Variants in USP15 observed in about 807,000 individuals in gnomAD.
USP15 encodes the protein ubiquitin specific peptidase 15, also known as ubiquitin carboxyl-terminal hydrolase 15.
A neutral mutation model predicts 127.1 loss-of-function variants in USP15; 18 were observed. The ratio of observed to expected loss-of-function variants is 0.14; its 90% confidence interval spans 0.10 to 0.21. The LOEUF (loss-of-function observed/expected upper bound fraction) is 0.21, where lower values mean the gene tolerates loss of function less well. USP15 is among the 10% of genes least tolerant of loss of function. USP15 has a pLI of 1.00. For missense variants in USP15, 805 were observed against 1,159.9 expected (o/e 0.69, Z 4.44); for synonymous variants, 364 against 393.7 (o/e 0.92, Z 0.89).
At chr12:62,331,757 A>G (rs1257599513) in intron 6 of USP15, among the ~76,000 whole-genome samples, 1 of 152,218 alleles carries the variant, frequency 6.6e-6, no homozygotes, top group Non-Finnish European at 1.5e-5. Context: ...ATTTAATTTA[A>G]AACATGTAGT....
intron 1 of USP15, among the ~76,000 whole-genome samples, chr12:62,270,554 G>C (rs1363472873): frequency 6.6e-6 from 1 of 152,018 alleles, no homozygotes; most frequent in Non-Finnish European, 1.5e-5. Flanking sequence ...GGTCAGGGGA[G>C]GAGTTCAATT....
At chr12:62,294,643 A>T (rs565763766) in intron 2 of USP15, 33 of 163,882 alleles carry the variant, frequency 2.0e-4, no homozygotes, top group African/African-American at 7.9e-4. Flanking sequence ...ATTATTTGTT[A>T]TTAAATAATT....
chr12:62,283,467 A>G (rs2063706539), intron 1 of USP15, among the ~76,000 whole-genome samples: 1 of 152,240 alleles, frequency 6.6e-6, no homozygotes, highest in African/African-American at 2.4e-5. Flanking sequence ...CCTATATTTT[A>G]GGAGCCCTAG....
Position 62,404,368 on chromosome 12 carries a change from C to G in USP15, c.2939C>G (p.Thr980Ser), listed in dbSNP as rs1456335813. Residue 980 changes from threonine (T) to serine (S), a missense_variant, in exon 22 of 22, where the codon ACT becomes AGT. Physicochemically the swap from Thr to Ser is moderately conservative, Grantham distance 58. This residue lies in a region of USP15 where 116 missense variants were observed against 157.2 expected (regional missense o/e 0.74). Transcript: ENST00000280377. ...ATAGAAAATGAAAACTGTATGCACA[C>G]TAACTAATGAAAGTCCTAGAAGCCA... ...NDIENENCMH[T>S]N The G allele has an allele frequency of 1.3e-5, 21 of 1,595,342 alleles. No homozygotes were observed. The highest frequency in any genetic ancestry group is 1.7e-5 in the Non-Finnish European group (20 of 1,170,100).
At chr12:62,260,823 A>C (rs911352930) in intron 1 of USP15, among the ~76,000 whole-genome samples, 16 of 152,072 alleles carry the variant, frequency 1.1e-4, no homozygotes, top group Admixed American at 2.6e-4. Flanking sequence ...ATGATAGGTT[A>C]TAGTGGTTTG....
intron 2 of USP15, 51 bp downstream of exon 2, chr12:62,294,357 T>C (rs2064066220): frequency 1.9e-6 from 3 of 1,570,756 alleles, no homozygotes; most frequent in Non-Finnish European, 2.6e-6. Context: ...AATTTCATTA[T>C]ATAAATGTCA....
chr12:62,353,745 G>A (rs972820604), intron 7 of USP15, among the ~76,000 whole-genome samples: 1 of 151,906 alleles, frequency 6.6e-6, no homozygotes, highest in Admixed American at 6.6e-5. Context: ...ATCCAATTAT[G>A]AGCGAAAATA....
At chr12:62,315,012 G>C in intron 4 of USP15, 96 bp downstream of exon 4, 1 of 1,199,144 alleles carries the variant, frequency 8.3e-7, no homozygotes, top group Non-Finnish European at 1.1e-6. Flanking sequence ...ACCATTTTAA[G>C]GATTTATATA....
chr12:62,301,812 A>G (rs780784358), intron 2 of USP15, among the ~76,000 whole-genome samples: 7 of 152,154 alleles, frequency 4.6e-5, no homozygotes, highest in Non-Finnish European at 1.0e-4. Context: ...TTGAAATGCT[A>G]CCAAGAACAA....
chr12:62,399,673 G>A (rs565919645), intron 20 of USP15, among the ~76,000 whole-genome samples: 33 of 151,852 alleles, frequency 2.2e-4, no homozygotes, highest in Non-Finnish European at 3.8e-4. Flanking sequence ...CTCTTTCTAC[G>A]GTTTCTCTCC....
intron 1 of USP15, among the ~76,000 whole-genome samples, chr12:62,280,887 C>G (rs533308111): frequency 1.3e-5 from 2 of 152,206 alleles, no homozygotes; most frequent in South Asian, 4.2e-4. Flanking sequence ...CAATGTTAAG[C>G]ATTTTAGACT....
chr12:62,400,799 C>T (rs1360084892), intron 20 of USP15, among the ~76,000 whole-genome samples: 1 of 151,972 alleles, frequency 6.6e-6, no homozygotes, highest in Non-Finnish European at 1.5e-5. Context: ...GCCTTAATTT[C>T]CCATCTCTCA....
At chr12:62,370,825 A>C (rs149199687) in intron 8 of USP15, among the ~76,000 whole-genome samples, 1 of 152,192 alleles carries the variant, frequency 6.6e-6, no homozygotes, top group African/African-American at 2.4e-5. Context: ...GTTAAACTAC[A>C]TGTAACTTAA....
intron 11 of USP15, among the ~76,000 whole-genome samples, chr12:62,388,116 GATT>G (rs2067211259): frequency 7.9e-6 from 1 of 127,226 alleles, no homozygotes; most frequent in East Asian, 2.5e-4. Context: ...GAATGGTGAA[GATT>G]TTTTTTTTTT....
chr12:62,401,784 T>TA lies in USP15; in HGVS notation c.2763+517dup, dbSNP rs567812611. Among the ~76,000 whole-genome samples, 444 of 151,220 alleles carry TA rather than the reference T, an allele frequency of 2.9e-3. 5 individuals carry two copies. Among genetic ancestry groups the TA allele is most frequent in the African/African-American group, 9.4e-3 (390 of 41,298 alleles). ...TACTACTTTGATATTTTCTGAATAG[T>TA]AAAAAAAATGAGGAAGTTCCGTCTG... On this transcript the variant is annotated intron_variant, in intron 21 of 21. Transcript: ENST00000280377.
intron 20 of USP15, among the ~76,000 whole-genome samples, chr12:62,400,293 C>G (rs916535762): frequency 1.3e-5 from 2 of 152,102 alleles, no homozygotes; most frequent in Non-Finnish European, 2.9e-5. Flanking sequence ...CCCTTTGTAT[C>G]AGTGGATACC....
intron 1 of USP15, among the ~76,000 whole-genome samples, chr12:62,282,496 G>GTGAGATGATAAAATGCATAGGTGA (rs2063683358): frequency 1.3e-5 from 2 of 152,250 alleles, no homozygotes; most frequent in East Asian, 1.9e-4. Context: ...TTGTAATAGT[G>GTGAGATGATAAAATGCATAGGTGA]TGAGATGATA....
At position 62,401,172 on chromosome 12, in the gene USP15, T is replaced by A. The variant is rs1282227412; in HGVS notation, c.2675-15T>A. 1 of 1,593,894 alleles carries A rather than the reference T, an allele frequency of 6.3e-7. No homozygotes were observed. The highest frequency in any genetic ancestry group is 1.7e-5 in the Admixed American group (1 of 59,320). On this transcript the variant is annotated splice_polypyrimidine_tract_variant and intron_variant, in intron 20 of 21. Transcript: ENST00000280377. ...AAGATCATTTTCGTCACAGTGATTA[T>A]ATTTTTTTCATTAGATACTGCTTTT...
chr12:62,261,051 C>G (rs955026028), intron 1 of USP15, among the ~76,000 whole-genome samples: 5 of 152,046 alleles, frequency 3.3e-5, no homozygotes, highest in Non-Finnish European at 7.4e-5. Flanking sequence ...GAAAGAAACC[C>G]TAGTTTCCAG....
Sources: gnomAD v4.1 joint callset for allele counts (sites outside exome capture counted in the v4.1 genomes callset) on GRCh38, gnomAD v4.1.1 for gene constraint, gnomAD v4.1.1 regional missense constraint, MANE v1.5 for transcripts, NCBI Gene and HGNC (gene_info 2026-07-23, HGNC 2026-07-21) for gene names.